SLC39A4: variants seen among roughly 807,000 people sequenced by gnomAD.
SLC39A4 encodes solute carrier family 39 member 4.
In SLC39A4, 49 loss-of-function variants were observed where a neutral mutation model predicts 56.6. The observed-to-expected ratio is 0.87, with a 90% confidence interval of 0.69 to 1.10. SLC39A4 has a LOEUF of 1.10. SLC39A4 is among the 50% of genes least tolerant of loss of function. The pLI is 0.00. For missense variants in SLC39A4, 993 were observed against 864.2 expected, an observed-to-expected ratio of 1.15 and a Z score of -1.87; for synonymous variants, 540 against 420.4, an observed-to-expected ratio of 1.28 and a Z score of -3.48.
rs201425573 is a variant in SLC39A4, at chr8:144,412,815, C to T, written c.1759G>A (p.Ala587Thr). The change falls in exon 11 of 12, where the codon GCC becomes ACC. Residue 587 changes from alanine to threonine, a missense_variant. Transcript: ENST00000301305. ...LAVGVSEESE[A>T]WILAVATGLF... ...CCGGTGGCCACTGCCAGGATCCAGG[C>T]CTCGCTCTCCTCGCTGACTCCAACC... 24 of 1,613,084 alleles carry T rather than the reference C, an allele frequency of 1.5e-5. No homozygotes were observed. The highest frequency in any genetic ancestry group is 1.6e-4 in the Middle Eastern group (1 of 6,062).
Position 144,415,990 on chromosome 8 carries a change from G to C in SLC39A4, c.294C>G (p.Ala98=). 1 of 1,588,274 alleles carries C rather than the reference G, an allele frequency of 6.3e-7. No individual in the cohort carries two copies. Among genetic ancestry groups the C allele is most frequent in the Non-Finnish European group, 8.6e-7 (1 of 1,168,554 alleles). The change falls in exon 2 of 12, where the codon GCC becomes GCG. Residue 98 remains alanine, a synonymous_variant. Coordinates refer to ENST00000301305, the MANE Select transcript of SLC39A4 (RefSeq NM_130849.4). ...LEARYVARLS[A]AAVLYLSNPE... The stretch of plus-strand genomic sequence containing the variant: ...GGTTGCTGAGGTACAGGACGGCGGC[G>C]GCACTGAGGCGGGCGACGTACCTGG...
intron 5 of SLC39A4, 143 bp from the exon 6 acceptor site, chr8:144,414,577 C>G: frequency 6.7e-7 from 1 of 1,488,710 alleles, no homozygotes; most frequent in Non-Finnish European, 9.0e-7. Flanking sequence ...GCCCCACTCT[C>G]CTGGCGACGC....
chr8:144,414,987 C>G lies in SLC39A4; in HGVS notation c.791G>C (p.Ser264Thr), dbSNP rs782226860. Residue 264 changes from serine to threonine, a missense_variant, in exon 4 of 12, where the codon AGT (serine) becomes ACT (threonine). By Grantham distance (58) the Ser-to-Thr change is moderately conservative. Transcript: ENST00000301305. The stretch of plus-strand genomic sequence containing the variant: ...GGCGCAGCTCACCGTGTCCCACACA[C>G]TGGAGCTGTTGCTGGAGCTGATGAG... ...VPLISSSNSS[S>T]VWDTVCLSAR... 1 of 1,612,634 alleles carries G rather than the reference C, an allele frequency of 6.2e-7. No homozygotes were observed. The highest frequency in any genetic ancestry group is 1.1e-5 in the South Asian group (1 of 91,086).
In SLC39A4 at chr8:144,412,440, A is replaced by G. The variant is rs1554871724; in HGVS notation, c.*98T>C. 1 of 1,587,970 alleles carries G rather than the reference A, an allele frequency of 6.3e-7. No homozygotes were observed. The highest frequency in any genetic ancestry group is 8.6e-7 in the Non-Finnish European group (1 of 1,158,500). On this transcript the variant is annotated 3_prime_UTR_variant, in exon 12 of 12. Transcript: ENST00000301305. ...CCAAGGACAAGAGTGTCTTTACTGG[A>G]GTTGGGACTGGGGCCTCTATAGGGG...
In SLC39A4 at chr8:144,413,257, TG is replaced by T; in HGVS notation, c.1606del (p.His536ThrfsTer26). 1 of 1,590,376 alleles carries T rather than the reference TG, an allele frequency of 6.3e-7. No homozygotes were observed. On this transcript the variant is annotated frameshift_variant, in exon 10 of 12. Transcript: ENST00000301305. LOFTEE classifies it high-confidence loss of function. ...CTCACCCAGCTCGTGTGGCAACTCGTGGCAGAACACGGCCAGCGAGGTGGCC... is the reference window on the plus strand; with the variant it reads ...CTCACCCAGCTCGTGTGGCAACTCGTGCAGAACACGGCCAGCGAGGTGGCC... ...GLATSLAVFC[H>X]ELPHELGDFA...
Position 144,413,316 on chromosome 8 carries a change from G to A in SLC39A4, c.1548C>T (p.Gly516=), listed in dbSNP as rs782446130. Residue 516 remains glycine (G), a synonymous_variant, in exon 10 of 12, where the codon GGC becomes GGT. Transcript: ENST00000301305. Reference sequence around the variant, plus strand: ...TCTTCCAGGAGGACGCGAAGGCGGCGCCCACGGCCAGCCCGTCGGCGAAGT... The same window carrying A: ...TCTTCCAGGAGGACGCGAAGGCGGCACCCACGGCCAGCCCGTCGGCGAAGT... ...VHNFADGLAV[G]AAFASSWKTG... is the part of the protein sequence containing the mutation. The A allele has an allele frequency of 1.2e-6, 2 of 1,604,330 alleles. No homozygotes were observed. Among genetic ancestry groups the A allele is most frequent in the Non-Finnish European group, 8.5e-7 (1 of 1,178,784 alleles).
In SLC39A4 at chr8:144,413,506, G is replaced by A; in HGVS notation, c.1474+7C>T. On this transcript the variant is annotated splice_region_variant and intron_variant, in intron 9 of 11. Transcript: ENST00000301305. ...CCAGCCCTTCCGGGGTCGCCCCCTG[G>A]GCTCACCTGGGCTCAGTCTCCTGGG... 1 of 1,556,218 alleles carries A rather than the reference G, an allele frequency of 6.4e-7. No homozygotes were observed. The highest frequency in any genetic ancestry group is 8.7e-7 in the Non-Finnish European group (1 of 1,150,016).
chr8:144,412,842 C>A lies in SLC39A4; in HGVS notation c.1732G>T (p.Ala578Ser), dbSNP rs370795784. Residue 578 changes from alanine to serine, a missense_variant, in exon 11 of 12, where the codon GCG (alanine) becomes TCG (serine). Transcript: ENST00000301305. ...TAFAGLYVAL[A>S]VGVSEESEAW... The stretch of plus-strand genomic sequence containing the variant: ...TCGCTCTCCTCGCTGACTCCAACCG[C>A]GAGTGCCACGTAGAGACCAGCGAAG... 51 of 1,612,780 alleles carry A rather than the reference C, an allele frequency of 3.2e-5. No homozygotes were observed. In the African/African-American group the frequency reaches 4.9e-4, roughly 16 times the overall value.
rs201400971 is a variant in SLC39A4, at chr8:144,413,561, C to T, written c.1426G>A (p.Glu476Lys). 1,632 of 1,553,328 alleles carry T rather than the reference C, an allele frequency of 1.1e-3. 1 individual carries two copies. The highest frequency in any genetic ancestry group is 1.3e-3 in the Non-Finnish European group (1,529 of 1,148,586). Residue 476 changes from glutamate (E) to lysine (K), a missense_variant, in exon 9 of 12, where the codon GAG (glutamate) becomes AAG (lysine). Transcript: ENST00000301305. Reference protein sequence around the residue: ...HEGSRADLVAEESPELLNPEP... With the variant: ...HEGSRADLVAKESPELLNPEP... ...GGGTTCAGCAGCTCCGGGCTCTCCT[C>T]CGCCACCTGGGAGGAGCCTTGAGTA...
Position 144,412,929 on chromosome 8 carries a change from GC to G in SLC39A4, c.1644del (p.Leu548PhefsTer14). 1 of 1,603,382 alleles carries G rather than the reference GC, an allele frequency of 6.2e-7. No homozygotes were observed. Among genetic ancestry groups the G allele is most frequent in the Non-Finnish European group, 8.5e-7 (1 of 1,178,502 alleles). ...LPHELGDFAA[L>X]LHAGLSVRQA... ...TGGCGCACGGACAGCCCCGCGTGCAGCAAGGCGGCGAAGTCCCCTGCGGGCG... is the reference window on the plus strand; with the variant it reads ...TGGCGCACGGACAGCCCCGCGTGCAGAAGGCGGCGAAGTCCCCTGCGGGCG... On this transcript the variant is annotated frameshift_variant, in exon 11 of 12. Coordinates refer to ENST00000301305, the MANE Select transcript of SLC39A4 (RefSeq NM_130849.4). LOFTEE classifies it high-confidence loss of function.
Position 144,413,492 on chromosome 8 carries a change from G to T in SLC39A4, c.1474+21C>A, listed in dbSNP as rs782206518. On this transcript the variant is annotated intron_variant, in intron 9 of 11. Transcript: ENST00000301305. Reference sequence around the variant, plus strand: ...AAACCCCAGATCCCCCAGCCCTTCCGGGGTCGCCCCCTGGGCTCACCTGGG... The same window carrying T: ...AAACCCCAGATCCCCCAGCCCTTCCTGGGTCGCCCCCTGGGCTCACCTGGG... The T allele has an allele frequency of 1.9e-6, 3 of 1,559,116 alleles. No individual in the cohort carries two copies. In the African/African-American group the frequency reaches 4.1e-5, roughly 21 times the overall value.
chr8:144,415,784 C>T (rs781987925), intron 2 of SLC39A4, 26 bp downstream of exon 2: 4 of 1,584,270 alleles, frequency 2.5e-6, no homozygotes. Flanking sequence ...CACCCACTCC[C>T]CTGGTCTGCC....
At chr8:144,413,046 T>G in intron 10 of SLC39A4, 100 bp from the exon 11 acceptor site, 6 of 1,454,292 alleles carry the variant, frequency 4.1e-6, no homozygotes, top group Non-Finnish European at 4.6e-6. Flanking sequence ...CGCCCACCTG[T>G]TCCCGGTCTC....
At chr8:144,414,681 C>G in intron 5 of SLC39A4, 44 bp downstream of exon 5, 1 of 1,607,456 alleles carries the variant, frequency 6.2e-7, no homozygotes, top group Non-Finnish European at 8.5e-7. Context: ...CCTACACGGG[C>G]TCCACCTCTG....
In SLC39A4 at chr8:144,412,442, T is replaced by C; in HGVS notation, c.*96A>G. On this transcript the variant is annotated 3_prime_UTR_variant, in exon 12 of 12. Coordinates refer to ENST00000301305, the MANE Select transcript of SLC39A4 (RefSeq NM_130849.4). ...AAGGACAAGAGTGTCTTTACTGGAG[T>C]TGGGACTGGGGCCTCTATAGGGGCT... The C allele has an allele frequency of 6.3e-7, 1 of 1,593,488 alleles. No homozygotes were observed. The highest frequency in any genetic ancestry group is 8.6e-7 in the Non-Finnish European group (1 of 1,163,394).
chr8:144,415,631 C>T (rs923960548), intron 2 of SLC39A4, among the ~76,000 whole-genome samples, 179 bp downstream of exon 2: 2 of 152,178 alleles, frequency 1.3e-5, no homozygotes, highest in African/African-American at 2.4e-5. Flanking sequence ...TCCCGGGGCT[C>T]CTACAGGCTC....
Position 144,414,392 on chromosome 8 carries a change from C to T in SLC39A4, c.1019G>A (p.Cys340Tyr). 1 of 1,575,266 alleles carries T rather than the reference C, an allele frequency of 6.3e-7. No homozygotes were observed. The highest frequency in any genetic ancestry group is 1.9e-5 in the Admixed American group (1 of 52,202). ...CAGCAGCAGGAGGCCAAAGACCGCG[C>T]AGAGGCAGATGAGCAGCGTGGCCAG... Reference protein sequence around the residue: ...GSLATLLICLCAVFGLLLLTC... With the variant: ...GSLATLLICLYAVFGLLLLTC... Residue 340 changes from cysteine (C) to tyrosine (Y), a missense_variant, in exon 6 of 12, where the codon TGC (cysteine) becomes TAC (tyrosine). Transcript: ENST00000301305.
chr8:144,412,758 C>G lies in SLC39A4; in HGVS notation c.1815+1G>C. On this transcript the variant is annotated splice_donor_variant, in intron 11 of 11. Transcript: ENST00000301305. LOFTEE classifies it high-confidence loss of function. Reference sequence around the variant, plus strand: ...GCAGCCCCTCCCCTCGCCATCCTGACCATGTCGCAGAGTGCTACGTAGAGG... The same window carrying G: ...GCAGCCCCTCCCCTCGCCATCCTGAGCATGTCGCAGAGTGCTACGTAGAGG... The G allele has an allele frequency of 6.2e-7, 1 of 1,613,280 alleles. No individual in the cohort carries two copies. Among genetic ancestry groups the G allele is most frequent in the Non-Finnish European group, 8.5e-7 (1 of 1,179,942 alleles).
chr8:144,416,778 C>T lies in SLC39A4; in HGVS notation c.12G>A (p.Leu4=). Residue 4 remains leucine (L), a synonymous_variant, in exon 1 of 12, where the codon CTG becomes CTA. Transcript: ENST00000301305. Reference sequence around the variant, plus strand: ...GAAGCAGCCCCAGCTCCAGCGAGACCAGGGACGCCATACTCAGCTCCCAGC... The same window carrying T: ...GAAGCAGCCCCAGCTCCAGCGAGACTAGGGACGCCATACTCAGCTCCCAGC... MAS[L]VSLELGLLLA... 1.9e-6 allele frequency: 3 copies of T among 1,612,214 alleles called. No homozygotes were observed. The highest frequency in any genetic ancestry group is 2.5e-6 in the Non-Finnish European group (3 of 1,179,830).
Sources: allele counts gnomAD v4.1 joint callset (sites outside exome capture counted in the v4.1 genomes callset), GRCh38; gene constraint gnomAD v4.1.1; transcripts MANE v1.5; gene names NCBI Gene and HGNC (gene_info 2026-07-23, HGNC 2026-07-21).